Variants in TNIP1 observed in about 807,000 individuals in gnomAD.
The protein encoded by TNIP1 is TNFAIP3-interacting protein 1.
In TNIP1, 22 loss-of-function variants were observed where a neutral mutation model predicts 86.6. That is an observed-to-expected ratio of 0.25 (90% confidence interval 0.18 to 0.36). TNIP1 has a LOEUF of 0.36. Among genes scored for constraint, TNIP1 ranks in the 10% least tolerant of loss-of-function variants. The pLI is 1.00. For missense variants in TNIP1, 709 were observed against 820.6 expected, an observed-to-expected ratio of 0.86 and a Z score of 1.66; for synonymous variants, 294 against 313.0, an observed-to-expected ratio of 0.94 and a Z score of 0.64.
chr5:151,084,193 C>T (rs1675293506), upstream of TNIP1, among the ~76,000 whole-genome samples: 2 of 152,172 alleles, frequency 1.3e-5, no homozygotes, highest in Admixed American at 1.3e-4. Context: ...GCCTGTAATC[C>T]CAACACTCTG....
chr5:151,073,315 G>A (rs1561538705), intron 1 of TNIP1, among the ~76,000 whole-genome samples: 2 of 151,780 alleles, frequency 1.3e-5, no homozygotes, highest in Admixed American at 6.6e-5. Flanking sequence ...ACCCTATCTA[G>A]GAATCTAGAG....
intron 11 of TNIP1, among the ~76,000 whole-genome samples, chr5:151,040,014 G>A (rs984278648): frequency 3.3e-5 from 5 of 152,220 alleles, no homozygotes; most frequent in African/African-American, 7.2e-5. Context: ...GAGAGGGGAA[G>A]TGACGTACCC....
chr5:151,079,155 T>G (rs1692953692), intron 1 of TNIP1, among the ~76,000 whole-genome samples: 1 of 152,166 alleles, frequency 6.6e-6, no homozygotes, highest in African/African-American at 2.4e-5. Flanking sequence ...CATGATCACG[T>G]GCTTCCATGA....
At chr5:151,061,424 G>A (rs565173625) in intron 4 of TNIP1, among the ~76,000 whole-genome samples, 1 of 151,954 alleles carries the variant, frequency 6.6e-6, no homozygotes, top group East Asian at 1.9e-4. Flanking sequence ...TAAGGATGCT[G>A]AACTATGCAA....
intron 5 of TNIP1, 50 bp downstream of exon 5, chr5:151,060,268 G>T (rs747954723): frequency 6.3e-7 from 1 of 1,594,278 alleles, no homozygotes; most frequent in South Asian, 1.1e-5. Flanking sequence ...CAAGTGACAG[G>T]ACACAAAGAG....
Position 151,036,971 on chromosome 5 carries a change from G to A in TNIP1, c.1264-50C>T, listed in dbSNP as rs1190942426. The A allele has an allele frequency of 1.2e-5, 19 of 1,537,606 alleles. No homozygotes were observed. In the East Asian group the frequency reaches 4.2e-4, roughly 34 times the overall value. On this transcript the variant is annotated intron_variant, in intron 12 of 17. Transcript: ENST00000521591. ...ATCAGCAGGAACCCCTGGAAATCAGGGCCCTTTGGAGGGGTCATCCTCAGG... is the reference window on the plus strand; with the variant it reads ...ATCAGCAGGAACCCCTGGAAATCAGAGCCCTTTGGAGGGGTCATCCTCAGG...
At chr5:151,063,465 G>A (rs1313594342) in intron 3 of TNIP1, 148 bp downstream of exon 3, 1 of 1,229,378 alleles carries the variant, frequency 8.1e-7, no homozygotes, top group East Asian at 2.4e-5. Context: ...TGGGGGATGT[G>A]GCAGCCAAAA....
At chr5:151,031,271 C>T (rs1210810478) in intron 17 of TNIP1, among the ~76,000 whole-genome samples, 6 of 152,212 alleles carry the variant, frequency 3.9e-5, no homozygotes, top group African/African-American at 1.2e-4. Context: ...AAGGGACACT[C>T]GCCACCTCCC....
intron 9 of TNIP1, among the ~76,000 whole-genome samples, chr5:151,044,819 G>A (rs769422633): frequency 6.6e-6 from 1 of 152,174 alleles, no homozygotes; most frequent in Non-Finnish European, 1.5e-5. Context: ...GAGGCGGAAT[G>A]GACTGCAGCA....
intron 6 of TNIP1, among the ~76,000 whole-genome samples, chr5:151,053,214 A>T (rs949306370): frequency 6.9e-6 from 1 of 143,974 alleles, no homozygotes; most frequent in Admixed American, 7.4e-5. Flanking sequence ...GGTTCAAGAG[A>T]TTCTCCTGCC....
intron 16 of TNIP1, 102 bp from the exon 17 acceptor site, chr5:151,032,485 T>C (rs1757035499): frequency 3.3e-6 from 4 of 1,196,266 alleles, no homozygotes; most frequent in Non-Finnish European, 4.8e-6. Flanking sequence ...TCAAGTATAA[T>C]TGAATCTTTA....
chr5:151,065,209 A>T, intron 1 of TNIP1, 78 bp from the exon 2 acceptor site: 1 of 1,287,400 alleles, frequency 7.8e-7, no homozygotes, highest in Non-Finnish European at 1.1e-6. Flanking sequence ...CTAGTCTGTC[A>T]ATGCCCCAGA....
At chr5:151,059,852 TGTGTGTGTGTGTGTGCGCGCGCGCGC>T (rs766062064) in intron 5 of TNIP1, among the ~76,000 whole-genome samples, 1,550 of 101,814 alleles carry the variant, frequency 0.015, 52 homozygotes, top group African/African-American at 0.055. Context: ...TGTGTGTGTG[TGTGTGTGTGTGTGTGCGCGCGCGCGC>T]GCGCATGCGT....
chr5:151,083,403 A>G (rs900145937), upstream of TNIP1, among the ~76,000 whole-genome samples: 38 of 152,304 alleles, frequency 2.5e-4, no homozygotes, highest in African/African-American at 9.1e-4. Context: ...ACCAGGCGCC[A>G]TCCCACCATA....
upstream of TNIP1, among the ~76,000 whole-genome samples, chr5:151,085,811 C>G (rs1313116129): frequency 6.6e-6 from 1 of 152,228 alleles, no homozygotes; most frequent in Admixed American, 6.5e-5. Flanking sequence ...CAGCCCGGCC[C>G]AGCCTCTCAG....
At chr5:151,082,421 C>G (rs1764092494), upstream of TNIP1, among the ~76,000 whole-genome samples, 1 of 152,162 alleles carries the variant, frequency 6.6e-6, no homozygotes, top group Admixed American at 6.6e-5. Flanking sequence ...GGAATCCTGG[C>G]CCTGGTTTAC....
At chr5:151,085,242 A>G (rs1764233160), upstream of TNIP1, among the ~76,000 whole-genome samples, 2 of 152,214 alleles carry the variant, frequency 1.3e-5, no homozygotes, top group South Asian at 4.1e-4. Context: ...TTTATCAATG[A>G]CATGAAGGCT....
chr5:151,082,050 T>C (rs755087601), upstream of TNIP1, among the ~76,000 whole-genome samples: 3 of 152,202 alleles, frequency 2.0e-5, no homozygotes, highest in East Asian at 1.9e-4. Flanking sequence ...AACTTAGTCA[T>C]TGACAGGCCC....
chr5:151,049,532 C>T (rs952606946), intron 8 of TNIP1, among the ~76,000 whole-genome samples: 2 of 152,126 alleles, frequency 1.3e-5, no homozygotes, highest in Non-Finnish European at 2.9e-5. Flanking sequence ...ACGGAATGCA[C>T]CCAGACTGAG....
Sources: gnomAD v4.1 joint callset for allele counts (sites outside exome capture counted in the v4.1 genomes callset) on GRCh38, gnomAD v4.1.1 for gene constraint, MANE v1.5 for transcripts, NCBI Gene and HGNC (gene_info 2026-07-23, HGNC 2026-07-21) for gene names.